The following GZMK variants were observed in gnomAD, a reference collection of about 807,000 sequenced individuals.
GZMK encodes NK-Tryp-2.
GZMK carries 18 observed loss-of-function variants against 22.8 expected under a neutral mutation model. The ratio of observed to expected loss-of-function variants is 0.79; its 90% CI spans 0.54 to 1.17. The LOEUF (loss-of-function observed/expected upper bound fraction) is 1.17, where lower values mean the gene tolerates loss of function less well. GZMK is among the 50% of genes most tolerant of loss of function. GZMK has a pLI of 0.00. For missense variants in GZMK, 342 were observed against 320.2 expected (o/e 1.07, Z -0.52); for synonymous variants, 136 against 115.0 (o/e 1.18, Z -1.17).
At chr5:55,027,733 G>A (rs574954001) in intron 2 of GZMK, 1 of 152,334 alleles carries the variant, frequency 6.6e-6, no homozygotes, top group Admixed American at 6.5e-5. Context: ...CCGCACTGTA[G>A]TTCTGCTCCA....
intron 2 of GZMK, among the ~76,000 whole-genome samples, chr5:55,027,244 T>C (rs373261730): frequency 3.2e-4 from 49 of 152,340 alleles, no homozygotes; most frequent in African/African-American, 1.1e-3. Context: ...TTATCGAGTA[T>C]TGTTATACAA....
At position 55,025,481 on chromosome 5, in the gene GZMK, A is replaced by G. The variant is rs117522723; in HGVS notation, c.212+674A>G. 3.3e-4 allele frequency among the ~76,000 whole-genome samples: 50 copies of G among 152,314 alleles called. No individual in the cohort carries two copies. The East Asian group carries it at 9.3e-3, about 28-fold the overall frequency. On this transcript the variant is annotated intron_variant, in intron 2 of 4. Transcript: ENST00000231009. ...TGAAAGCTTTTCTGAAGACAGAGTA[A>G]AACCTTCCAAAGTCCATTTCAGCCT...
chr5:55,029,040 C>T (rs1741180183), intron 2 of GZMK, among the ~76,000 whole-genome samples: 1 of 152,058 alleles, frequency 6.6e-6, no homozygotes. Flanking sequence ...ATTGAGACCA[C>T]CCTGGCCAAC....
At chr5:55,026,578 A>C (rs1395495940) in intron 2 of GZMK, among the ~76,000 whole-genome samples, 1 of 152,182 alleles carries the variant, frequency 6.6e-6, no homozygotes, top group Non-Finnish European at 1.5e-5. Flanking sequence ...TGAAATTCAA[A>C]ATATTTACAA....
At chr5:55,033,703 T>A in intron 4 of GZMK, 62 bp from the exon 5 acceptor site, 3 of 1,382,792 alleles carry the variant, frequency 2.2e-6, no homozygotes, top group Non-Finnish European at 3.0e-6. Flanking sequence ...CAGTTGGTGG[T>A]TAAAAAACAA....
At chr5:55,028,371 TCCAC>T (rs1471863936) in intron 2 of GZMK, 1 of 152,214 alleles carries the variant, frequency 6.6e-6, no homozygotes, top group African/African-American at 2.4e-5. Context: ...GGAAATCCAG[TCCAC>T]ATCCTATGAG....
At chr5:55,030,949 C>G (rs1451887844) in intron 3 of GZMK, among the ~76,000 whole-genome samples, 1 of 152,192 alleles carries the variant, frequency 6.6e-6, no homozygotes, top group South Asian at 2.1e-4. Flanking sequence ...CAAGTGACTT[C>G]GGGGGCTCAG....
intron 2 of GZMK, among the ~76,000 whole-genome samples, chr5:55,027,992 G>T (rs528517755): frequency 6.6e-6 from 1 of 152,318 alleles, no homozygotes; most frequent in East Asian, 1.9e-4. Context: ...GACCTGAGTA[G>T]CACAGATTAC....
intron 2 of GZMK, chr5:55,025,598 G>A (rs1288924331): frequency 6.6e-6 from 1 of 151,578 alleles, no homozygotes; most frequent in Non-Finnish European, 1.5e-5. Context: ...AACTAATTTG[G>A]TATTTGTTGT....
At chr5:55,029,938 A>G (rs752775041) in intron 2 of GZMK, among the ~76,000 whole-genome samples, 24 of 152,180 alleles carry the variant, frequency 1.6e-4, no homozygotes, top group Non-Finnish European at 2.6e-4. Flanking sequence ...ATGAACAACA[A>G]TATACATGTC....
chr5:55,029,798 C>T (rs1046861433), intron 2 of GZMK, among the ~76,000 whole-genome samples: 20 of 152,126 alleles, frequency 1.3e-4, no homozygotes, highest in African/African-American at 4.8e-4. Context: ...TCAAATGATC[C>T]TCCCACCTCA....
At chr5:55,031,292 A>T (rs1741226082) in intron 3 of GZMK, 72 bp from the exon 4 acceptor site, 2 of 1,298,400 alleles carry the variant, frequency 1.5e-6, no homozygotes, top group African/African-American at 1.5e-5. Flanking sequence ...GAGGGACCAC[A>T]CATACGACGC....
At chr5:55,028,398 G>A (rs3776038) in intron 2 of GZMK, 2 of 152,126 alleles carry the variant, frequency 1.3e-5, no homozygotes, top group East Asian at 1.9e-4. Context: ...ATTTCCACCC[G>A]GTCCTGATTT....
chr5:55,024,872 C>A, intron 2 of GZMK, 65 bp downstream of exon 2: 1 of 1,014,110 alleles, frequency 9.9e-7, no homozygotes, highest in Non-Finnish European at 1.4e-6. Context: ...ACAAGAGAAG[C>A]TTACCTCTCC....
Position 55,030,470 on chromosome 5 carries a change from C to T in GZMK, c.249C>T (p.Gly83=), listed in dbSNP as rs150389257. Residue 83 remains glycine (G), a synonymous_variant, in exon 3 of 5, where the codon GGC becomes GGT. Transcript: ENST00000231009. The part of the protein sequence containing the change: ...TKGQSPTVVL[G]AHSLSKNEAS... Reference sequence around the variant, plus strand: ...GCCAGTCTCCCACTGTGGTTTTAGGCGCACACTCTCTCTCAAAGAATGAGG... The same window carrying T: ...GCCAGTCTCCCACTGTGGTTTTAGGTGCACACTCTCTCTCAAAGAATGAGG... 50 of 1,613,598 alleles carry T rather than the reference C, an allele frequency of 3.1e-5. No individual in the cohort carries two copies. The East Asian group carries it at 5.6e-4, about 18-fold the overall frequency.
chr5:55,034,317 T>G lies in GZMK; in HGVS notation c.*391T>G. On this transcript the variant is annotated 3_prime_UTR_variant, in exon 5 of 5. Coordinates refer to ENST00000231009, the MANE Select transcript of GZMK (RefSeq NM_002104.3). The stretch of plus-strand genomic sequence containing the variant: ...TGTTGTGATAACATTGAACATGAGA[T>G]AGGCCCTTGCAACAAATGTTTAAGG... 1 of 174,104 alleles carries G rather than the reference T, an allele frequency of 5.7e-6. No homozygotes were observed. The highest frequency in any genetic ancestry group is 1.2e-5 in the Non-Finnish European group (1 of 81,174). The allele number at this position is 174,104 out of a possible 1,614,324, so 10.8% of individuals were successfully genotyped here. A position where few individuals can be genotyped will look rare whatever the true frequency, so the allele number is the denominator to read the frequency against.
intron 4 of GZMK, among the ~76,000 whole-genome samples, chr5:55,032,208 T>C (rs1438442419): frequency 6.6e-6 from 1 of 152,216 alleles, no homozygotes; most frequent in African/African-American, 2.4e-5. Flanking sequence ...GGGCCTACTT[T>C]CTGGTTCATA....
chr5:55,025,820 T>C (rs1741134968), intron 2 of GZMK: 1 of 152,244 alleles, frequency 6.6e-6, no homozygotes, highest in Admixed American at 6.5e-5. Flanking sequence ...TTTTGTCTGA[T>C]TACCCCATTT....
At position 55,031,475 on chromosome 5, in the gene GZMK, C is replaced by T; in HGVS notation, c.475C>T (p.Pro159Ser). The T allele has an allele frequency of 1.2e-6, 2 of 1,614,120 alleles. No homozygotes were observed. The highest frequency in any genetic ancestry group is 1.1e-5 in the South Asian group (1 of 91,082). Reference protein sequence around the residue: ...CKVTGWGATDPDSLRPSDTLR... With the variant: ...CKVTGWGATDSDSLRPSDTLR... The stretch of plus-strand genomic sequence containing the variant: ...GGTTACTGGCTGGGGAGCCACCGAT[C>T]CAGATTCATTAAGACCTTCTGACAC... The change falls in exon 4 of 5, where the codon CCA becomes TCA. Residue 159 changes from proline (P) to serine (S), a missense_variant. Physicochemically the swap from Pro to Ser is moderately conservative, Grantham distance 74. Transcript: ENST00000231009.
Sources: gnomAD v4.1 joint callset for allele counts (sites outside exome capture counted in the v4.1 genomes callset) on GRCh38, gnomAD v4.1.1 for gene constraint, MANE v1.5 for transcripts, NCBI Gene and HGNC (gene_info 2026-07-23, HGNC 2026-07-21) for gene names.